AKR1B10: variants seen among roughly 807,000 people sequenced by gnomAD.
The protein encoded by AKR1B10 is ARP.
AKR1B10 carries 39 observed loss-of-function variants against 38.9 expected under a neutral mutation model. The ratio of observed to expected loss-of-function variants is 1.00; its 90% confidence interval spans 0.78 to 1.31. The LOEUF (loss-of-function observed/expected upper bound fraction) is 1.31, where lower values mean the gene tolerates loss of function less well. AKR1B10 is among the 50% of genes most tolerant of loss of function. The pLI is 0.00. For missense variants in AKR1B10, 361 were observed against 382.6 expected (o/e 0.94, Z 0.47); for synonymous variants, 148 against 141.2 (o/e 1.05, Z -0.34).
intron 6 of AKR1B10, among the ~76,000 whole-genome samples, 159 bp from the exon 7 acceptor site, chr7:134,537,421 C>T (rs1438042896): frequency 4.6e-5 from 7 of 152,158 alleles, no homozygotes; most frequent in Non-Finnish European, 8.8e-5. Flanking sequence ...AATGCTGAGG[C>T]TTCAGAGCCC....
At position 134,531,893 on chromosome 7, in the gene AKR1B10, C is replaced by T. The variant is rs766802093; in HGVS notation, c.235-15C>T. 5.6e-6 allele frequency: 9 copies of T among 1,613,694 alleles called. No homozygotes were observed. Among genetic ancestry groups the T allele is most frequent in the East Asian group, 2.2e-5 (1 of 44,864 alleles). On this transcript the variant is annotated splice_polypyrimidine_tract_variant and intron_variant, in intron 2 of 9. Transcript: ENST00000359579. ...TTTTCCCAGTATTAATAGCTCATTG[C>T]TACACTCTTTGCAGTTGTGGCCCAC... is the stretch of plus-strand genomic sequence containing the variant.
At position 134,530,738 on chromosome 7, in the gene AKR1B10, A is replaced by C; in HGVS notation, c.162A>C (p.Glu54Asp). Reference sequence around the variant, plus strand: ...CCTATGTCTATCAGAATGAACATGAAGTGGGGGAAGCCATCCAAGAGAAGA... The same window carrying C: ...CCTATGTCTATCAGAATGAACATGACGTGGGGGAAGCCATCCAAGAGAAGA... ...DCAYVYQNEH[E>D]VGEAIQEKIQ... The change falls in exon 2 of 10, where the codon GAA becomes GAC. Residue 54 changes from glutamate (E) to aspartate (D), a missense_variant. Glu to Asp is a conservative substitution (Grantham distance 45). Around this residue, in one of 3 missense-constraint regions of AKR1B10, gnomAD observed 220 missense variants for 216.1 expected, o/e 1.02. Transcript: ENST00000359579. The C allele has an allele frequency of 1.2e-6, 2 of 1,614,042 alleles. No homozygotes were observed. The highest frequency in any genetic ancestry group is 1.7e-6 in the Non-Finnish European group (2 of 1,179,944).
chr7:134,528,595 G>A (rs558963821), intron 1 of AKR1B10, among the ~76,000 whole-genome samples: 6 of 152,112 alleles, frequency 3.9e-5, no homozygotes, highest in Admixed American at 6.5e-5. Context: ...ATGGTGGCAC[G>A]CACCTGTAGT....
intron 3 of AKR1B10, 80 bp downstream of exon 3, chr7:134,532,104 G>C (rs1562930011): frequency 6.5e-7 from 1 of 1,546,220 alleles, no homozygotes; most frequent in Non-Finnish European, 8.9e-7. Flanking sequence ...CTGTGGGGTG[G>C]TGTGGACTGG....
Position 134,530,689 on chromosome 7 carries a change from C to G in AKR1B10, c.113C>G (p.Ala38Gly). ...GAAGCAGTGAAGGTGGCCATTGATG[C>G]AGGATATCGGCACATTGACTGTGCC... ...VKEAVKVAIDAGYRHIDCAYV... is the reference protein window; with the variant it reads ...VKEAVKVAIDGGYRHIDCAYV... Residue 38 changes from alanine (A) to glycine (G), a missense_variant, in exon 2 of 10, where the codon GCA becomes GGA. Ala to Gly is a moderately conservative substitution (Grantham distance 60). Transcript: ENST00000359579. The G allele has an allele frequency of 1.2e-6, 2 of 1,614,052 alleles. No homozygotes were observed. Among genetic ancestry groups the G allele is most frequent in the Non-Finnish European group, 1.7e-6 (2 of 1,179,966 alleles).
chr7:134,533,657 G>T (rs982943931), intron 4 of AKR1B10, among the ~76,000 whole-genome samples: 3 of 152,138 alleles, frequency 2.0e-5, no homozygotes, highest in African/African-American at 7.2e-5. Flanking sequence ...TGGCAGAGCT[G>T]GGATTAGACC....
intron 4 of AKR1B10, among the ~76,000 whole-genome samples, chr7:134,534,651 A>G (rs964527695): frequency 3.3e-5 from 5 of 152,204 alleles, no homozygotes; most frequent in African/African-American, 1.2e-4. Flanking sequence ...GTTTATGTAG[A>G]CCCACAACCA....
At chr7:134,528,737 G>A (rs1260492363) in intron 1 of AKR1B10, among the ~76,000 whole-genome samples, 4 of 151,554 alleles carry the variant, frequency 2.6e-5, no homozygotes, top group Non-Finnish European at 4.4e-5. Context: ...AAGAAAGAGA[G>A]AAAGAGAGAG....
At chr7:134,529,229 G>A (rs1807782223) in intron 1 of AKR1B10, among the ~76,000 whole-genome samples, 1 of 152,186 alleles carries the variant, frequency 6.6e-6, no homozygotes, top group South Asian at 2.1e-4. Flanking sequence ...ACCCTCTGCT[G>A]CAGCACTGGG....
intron 6 of AKR1B10, among the ~76,000 whole-genome samples, 169 bp from the exon 7 acceptor site, chr7:134,537,411 A>C: frequency 6.6e-6 from 1 of 152,134 alleles, no homozygotes; most frequent in Non-Finnish European, 1.5e-5. Context: ...GGCTTTGCAA[A>C]ATGCTGAGGC....
At chr7:134,539,308 A>G (rs1808089861) in intron 9 of AKR1B10, among the ~76,000 whole-genome samples, 1 of 151,798 alleles carries the variant, frequency 6.6e-6, no homozygotes, top group African/African-American at 2.4e-5. Flanking sequence ...TCAATATCTC[A>G]CGGTCATCTA....
rs78661337 is a variant in AKR1B10 at position 134,533,143 on chromosome 7, G to A, written c.429+62G>A. ...AAATCTTCAGTTATCCATGAGATTC[G>A]CATGGATATGAATGAGGCCATGTGC... is the stretch of plus-strand genomic sequence containing the variant. On this transcript the variant is annotated intron_variant, in intron 4 of 9. Transcript: ENST00000359579. 790 of 1,320,524 alleles carry A rather than the reference G, an allele frequency of 6.0e-4. 5 individuals are homozygous for A. In the East Asian group the frequency reaches 6.9e-3, roughly 12 times the overall value. 81.8% of individuals were successfully genotyped at this position (1,320,524 alleles called of 1,614,324 possible). A position where few individuals can be genotyped will look rare whatever the true frequency, so the allele number is the denominator to read the frequency against.
intron 7 of AKR1B10, 66 bp from the exon 8 acceptor site, chr7:134,538,128 C>A: frequency 7.0e-7 from 1 of 1,425,726 alleles, no homozygotes; most frequent in Non-Finnish European, 9.9e-7. Context: ...ATGTTTTATT[C>A]TTCCTTTCCA....
chr7:134,538,570 C>T (rs192853312), intron 8 of AKR1B10, among the ~76,000 whole-genome samples: 86 of 152,234 alleles, frequency 5.6e-4, no homozygotes, highest in Middle Eastern at 3.4e-3. Context: ...CCCTGGGCCA[C>T]ACACAAGAAC....
chr7:134,533,616 A>G (rs1585753186), intron 4 of AKR1B10, among the ~76,000 whole-genome samples: 1 of 152,186 alleles, frequency 6.6e-6, no homozygotes, highest in South Asian at 2.1e-4. Context: ...AGATTGTTTG[A>G]TGACTTGCCC....
rs1562929517 is a variant in AKR1B10 at position 134,530,683 on chromosome 7, T to C, written c.107T>C (p.Ile36Thr). ...GTGAAAGAAGCAGTGAAGGTGGCCATTGATGCAGGATATCGGCACATTGAC... is the reference window on the plus strand; with the variant it reads ...GTGAAAGAAGCAGTGAAGGTGGCCACTGATGCAGGATATCGGCACATTGAC... ...GKVKEAVKVA[I>T]DAGYRHIDCA... The change falls in exon 2 of 10, where the codon ATT becomes ACT. Residue 36 changes from isoleucine to threonine, a missense_variant. Ile to Thr is a moderately conservative substitution (Grantham distance 89, BLOSUM62 -1). Around this residue, in one of 3 missense-constraint regions of AKR1B10, gnomAD observed 220 missense variants for 216.1 expected, o/e 1.02. Coordinates refer to ENST00000359579, the MANE Select transcript of AKR1B10 (RefSeq NM_020299.5). 1.2e-6 allele frequency: 2 copies of C among 1,614,088 alleles called. No individual in the cohort carries two copies. Among genetic ancestry groups the C allele is most frequent in the Non-Finnish European group, 1.7e-6 (2 of 1,179,958 alleles).
At chr7:134,536,154 C>A (rs1035073614) in intron 4 of AKR1B10, among the ~76,000 whole-genome samples, 5 of 152,198 alleles carry the variant, frequency 3.3e-5, no homozygotes, top group African/African-American at 1.2e-4. Flanking sequence ...GACTCAGGAC[C>A]CACAAGTGAG....
At chr7:134,529,277 C>G (rs1192500347) in intron 1 of AKR1B10, among the ~76,000 whole-genome samples, 1 of 152,182 alleles carries the variant, frequency 6.6e-6, no homozygotes, top group Non-Finnish European at 1.5e-5. Context: ...TCTGGAGGAA[C>G]AGATCACTTC....
chr7:134,535,607 T>TTA, intron 4 of AKR1B10: 1 of 951,632 alleles, frequency 1.1e-6, no homozygotes, highest in Non-Finnish European at 1.2e-6. Context: ...TTTTTTTTTT[T>TTA]TCTTTTGAGG....
Sources: gnomAD v4.1 joint callset for allele counts (sites outside exome capture counted in the v4.1 genomes callset) on GRCh38, gnomAD v4.1.1 for gene constraint, gnomAD v4.1.1 regional missense constraint, MANE v1.5 for transcripts, NCBI Gene and HGNC (gene_info 2026-07-23, HGNC 2026-07-21) for gene names.